Variants in MED30 observed in about 807,000 individuals in gnomAD.
MED30 encodes the protein mediator of RNA polymerase II transcription subunit 30.
Under a neutral mutation model 21.7 loss-of-function variants are expected in MED30, and 8 were observed. The observed-to-expected ratio is 0.37, with a 90% CI of 0.22 to 0.67. MED30 has a LOEUF of 0.67. MED30 is among the 30% of genes least tolerant of loss of function. MED30 has a pLI of 0.58. For missense variants in MED30, 203 were observed against 228.2 expected (o/e 0.89, Z 0.71); for synonymous variants, 79 against 86.7 (o/e 0.91, Z 0.49).
chr8:117,529,281 C>T (rs1266134909), intron 2 of MED30, among the ~76,000 whole-genome samples: 1 of 151,558 alleles, frequency 6.6e-6, no homozygotes, highest in Non-Finnish European at 1.5e-5. Flanking sequence ...TTGGGTCATA[C>T]CTATTTAGTT....
At chr8:117,534,490 G>A (rs1008667307) in intron 3 of MED30, among the ~76,000 whole-genome samples, 1 of 151,864 alleles carries the variant, frequency 6.6e-6, no homozygotes, top group African/African-American at 2.4e-5. Context: ...TTAACTTCAG[G>A]ATAAAACATG....
At chr8:117,521,920 GGACA>G (rs1330888318) in intron 1 of MED30, among the ~76,000 whole-genome samples, 4 of 152,082 alleles carry the variant, frequency 2.6e-5, no homozygotes, top group African/African-American at 9.7e-5. Context: ...CATTTCTCTT[GGACA>G]GATTCAGGAG....
intron 3 of MED30, among the ~76,000 whole-genome samples, chr8:117,531,121 G>A (rs899786590): frequency 5.3e-5 from 8 of 151,838 alleles, no homozygotes; most frequent in Non-Finnish European, 1.2e-4. Flanking sequence ...TACCTTTCTA[G>A]CTTATAGCAT....
intron 1 of MED30, among the ~76,000 whole-genome samples, chr8:117,525,162 C>T (rs1586860613): frequency 6.6e-6 from 1 of 151,476 alleles, no homozygotes; most frequent in African/African-American, 2.4e-5. Flanking sequence ...ATTTATGCTA[C>T]GGCCTAAGAC....
intron 1 of MED30, chr8:117,524,189 G>GC (rs1818684568): frequency 6.6e-6 from 1 of 152,490 alleles, no homozygotes; most frequent in Non-Finnish European, 1.5e-5. Context: ...ATAATTGGCT[G>GC]AAAAGATAAC....
Position 117,520,897 on chromosome 8 carries a change from C to T in MED30, c.21C>T (p.Ala7=), listed in dbSNP as rs758943328. The change falls in exon 1 of 4, where the codon GCC becomes GCT. Residue 7 remains alanine, a synonymous_variant. Coordinates refer to ENST00000297347, the MANE Select transcript of MED30 (RefSeq NM_080651.4). MSTPPL[A]ASGMAPGPFA... is the part of the protein sequence containing the mutation. ...GCGCCATGTCCACCCCTCCGTTGGC[C>T]GCGTCGGGGATGGCGCCCGGGCCCT... The T allele has an allele frequency of 6.2e-7, 1 of 1,604,550 alleles. No homozygotes were observed. The highest frequency in any genetic ancestry group is 1.1e-5 in the South Asian group (1 of 90,238).
chr8:117,534,813 A>G (rs1227790610), intron 3 of MED30, among the ~76,000 whole-genome samples: 1 of 151,812 alleles, frequency 6.6e-6, no homozygotes, highest in East Asian at 1.9e-4. Context: ...AATAAGGAAG[A>G]AGAAAATAAA....
At chr8:117,523,147 G>A (rs1281481651) in intron 1 of MED30, 1 of 612,020 alleles carries the variant, frequency 1.6e-6, no homozygotes, top group Non-Finnish European at 2.9e-6. Context: ...TTCAAAAAAA[G>A]TATTTTATCA....
At chr8:117,523,221 T>A in intron 1 of MED30, 1 of 831,014 alleles carries the variant, frequency 1.2e-6, no homozygotes. Context: ...TTTTTTTTTT[T>A]TGTCTGTAAG....
At chr8:117,534,404 T>A (rs1028692802) in intron 3 of MED30, among the ~76,000 whole-genome samples, 3 of 152,330 alleles carry the variant, frequency 2.0e-5, no homozygotes, top group African/African-American at 7.2e-5. Flanking sequence ...GTATTTTAAA[T>A]TTTTTTCCCC....
intron 3 of MED30, 150 bp downstream of exon 3, chr8:117,530,977 A>C (rs1818785454): frequency 1.6e-6 from 1 of 622,550 alleles, no homozygotes; most frequent in South Asian, 2.2e-5. Flanking sequence ...ACAGCCAAGA[A>C]ATGAAAGGTA....
At chr8:117,535,056 G>A (rs1437424166) in intron 3 of MED30, among the ~76,000 whole-genome samples, 2 of 151,594 alleles carry the variant, frequency 1.3e-5, no homozygotes, top group Non-Finnish European at 1.5e-5. Context: ...CTCCATATGA[G>A]GATTTAGCTC....
intron 1 of MED30, among the ~76,000 whole-genome samples, chr8:117,521,436 A>G (rs1818618127): frequency 6.6e-6 from 1 of 152,178 alleles, no homozygotes; most frequent in African/African-American, 2.4e-5. Flanking sequence ...TTTTAAAAAA[A>G]CAGTCCTCCT....
chr8:117,521,847 T>C (rs1445268911), intron 1 of MED30, among the ~76,000 whole-genome samples: 1 of 152,250 alleles, frequency 6.6e-6, no homozygotes, highest in Non-Finnish European at 1.5e-5. Flanking sequence ...TTCCACTTTT[T>C]GGCTGTTGTA....
intron 1 of MED30, chr8:117,523,711 T>A: frequency 6.5e-7 from 1 of 1,535,026 alleles, no homozygotes. Flanking sequence ...ATTCCCTCCT[T>A]AAAAAGGAGT....
At chr8:117,530,917 T>G (rs1818784857) in intron 3 of MED30, 90 bp downstream of exon 3, 1 of 884,510 alleles carries the variant, frequency 1.1e-6, no homozygotes, top group Non-Finnish European at 1.8e-6. Context: ...TAATTTGAAT[T>G]ATCAAATTAC....
chr8:117,523,584 C>G, intron 1 of MED30: 1 of 1,602,262 alleles, frequency 6.2e-7, no homozygotes, highest in Non-Finnish European at 8.5e-7. Flanking sequence ...CAAACTGTTC[C>G]TTCACGTAGC....
At chr8:117,531,688 A>G (rs1162358292) in intron 3 of MED30, among the ~76,000 whole-genome samples, 3 of 152,042 alleles carry the variant, frequency 2.0e-5, no homozygotes, top group African/African-American at 7.2e-5. Context: ...TTAGCAAGAC[A>G]GTGTGTTTTT....
Position 117,540,061 on chromosome 8 carries a change from T to A in MED30, c.*83T>A, listed in dbSNP as rs1403766016. 1 of 694,312 alleles carries A rather than the reference T, an allele frequency of 1.4e-6. No individual in the cohort carries two copies. Among genetic ancestry groups the A allele is most frequent in the East Asian group, 3.2e-5 (1 of 30,900 alleles). 43.0% of individuals were successfully genotyped at this position (694,312 alleles called of 1,614,324 possible). On this transcript the variant is annotated 3_prime_UTR_variant, in exon 4 of 4. Coordinates refer to ENST00000297347, the MANE Select transcript of MED30 (RefSeq NM_080651.4). The stretch of plus-strand genomic sequence containing the variant: ...ATTTTTTCCCTGTGAAGAAGATTAT[T>A]TATCTGCTTTTATTTTAGTCACTAA...
Sources: gnomAD v4.1 joint callset for allele counts (sites outside exome capture counted in the v4.1 genomes callset) on GRCh38, gnomAD v4.1.1 for gene constraint, MANE v1.5 for transcripts, NCBI Gene and HGNC (gene_info 2026-07-23, HGNC 2026-07-21) for gene names.